Variants in WWOX observed in about 807,000 individuals in gnomAD.
WWOX encodes the protein WW domain-containing oxidoreductase.
Under a neutral mutation model 46.2 loss-of-function variants are expected in WWOX, and 69 were observed. The ratio of observed to expected loss-of-function variants is 1.49; its 90% CI spans 1.23 to 1.82. WWOX has a LOEUF of 1.82. WWOX is among the 40% of genes most tolerant of loss of function. The probability of loss-of-function intolerance (pLI) is 0.00; values close to 1 mark genes in which losing one functional copy is unlikely to be tolerated. For synonymous variants in WWOX, 359 were observed against 202.6 expected, an observed-to-expected ratio of 1.77 and a Z score of -6.56; for missense variants, 919 against 542.6, an observed-to-expected ratio of 1.69 and a Z score of -6.89.
chr16:78,893,083 T>G (rs1009122416), intron 8 of WWOX, among the ~76,000 whole-genome samples: 3 of 152,006 alleles, frequency 2.0e-5, no homozygotes, highest in African/African-American at 7.2e-5. Context: ...GTCAGGAGTT[T>G]CCATCTCCAC....
intron 8 of WWOX, among the ~76,000 whole-genome samples, chr16:78,542,548 C>G (rs1424913618): frequency 6.6e-6 from 1 of 152,118 alleles, no homozygotes; most frequent in Non-Finnish European, 1.5e-5. Flanking sequence ...GCAACAGAAG[C>G]CGATGTGCAG....
At chr16:78,561,508 C>G (rs532876866) in intron 8 of WWOX, among the ~76,000 whole-genome samples, 2 of 152,070 alleles carry the variant, frequency 1.3e-5, no homozygotes, top group African/African-American at 4.8e-5. Flanking sequence ...GACTCAGTAA[C>G]TGGAAGAATG....
At chr16:78,357,938 A>G (rs145167379) in intron 5 of WWOX, among the ~76,000 whole-genome samples, 1 of 152,296 alleles carries the variant, frequency 6.6e-6, no homozygotes, top group East Asian at 1.9e-4. Context: ...ATTGAGTAGG[A>G]GAAGGCCAGT....
chr16:78,841,893 G>C (rs952909687), intron 8 of WWOX, among the ~76,000 whole-genome samples: 1 of 152,132 alleles, frequency 6.6e-6, no homozygotes, highest in Non-Finnish European at 1.5e-5. Flanking sequence ...CTTTTGAAAC[G>C]AGGGTCTCGA....
rs952361593 is a variant in WWOX, at chr16:78,709,730, A to T, written c.1056+276978A>T. Among the ~76,000 whole-genome samples the T allele has an allele frequency of 1.4e-4, 18 of 126,374 alleles. No individual in the cohort carries two copies. In the East Asian group the frequency reaches 1.6e-3, roughly 11 times the overall value. 82.9% of individuals were successfully genotyped at this position (126,374 alleles called of 152,430 possible). A position where few individuals can be genotyped will look rare whatever the true frequency, so the allele number is the denominator to read the frequency against. On this transcript the variant is annotated intron_variant, in intron 8 of 8. Coordinates refer to ENST00000566780, the MANE Select transcript of WWOX (RefSeq NM_016373.4). Reference sequence around the variant, plus strand: ...GGGCCTCTTCTTCCAAAGCAACAGTAAGCATTTTTTTTTTTTTTGTGATAA... The same window carrying T: ...GGGCCTCTTCTTCCAAAGCAACAGTTAGCATTTTTTTTTTTTTTGTGATAA...
intron 4 of WWOX, among the ~76,000 whole-genome samples, chr16:78,128,945 C>T (rs896386837): frequency 6.6e-6 from 1 of 152,144 alleles, no homozygotes; most frequent in Non-Finnish European, 1.5e-5. Flanking sequence ...TATCTATTAG[C>T]AAAGGAAGTT....
chr16:78,917,561 C>A (rs529918040), intron 8 of WWOX, among the ~76,000 whole-genome samples: 1 of 152,158 alleles, frequency 6.6e-6, no homozygotes, highest in African/African-American at 2.4e-5. Context: ...TAACCCCCAA[C>A]CACTGTCACT....
At chr16:78,904,922 G>C (rs148372934) in intron 8 of WWOX, among the ~76,000 whole-genome samples, 101 of 152,210 alleles carry the variant, frequency 6.6e-4, no homozygotes, top group African/African-American at 2.3e-3. Flanking sequence ...CCTTTTCCCA[G>C]TTGGTGCCCC....
At chr16:79,064,218 A>G (rs1446537772) in intron 8 of WWOX, among the ~76,000 whole-genome samples, 1 of 152,232 alleles carries the variant, frequency 6.6e-6, no homozygotes, top group African/African-American at 2.4e-5. Flanking sequence ...TTTCACTGAC[A>G]TATACGAAGT....
intron 8 of WWOX, among the ~76,000 whole-genome samples, chr16:78,701,644 G>A (rs879701787): frequency 1.3e-5 from 2 of 151,600 alleles, no homozygotes; most frequent in African/African-American, 2.4e-5. Flanking sequence ...CCTCTCCTCT[G>A]CAGGGAGAGC....
intron 8 of WWOX, among the ~76,000 whole-genome samples, chr16:78,542,782 G>C: frequency 6.6e-6 from 1 of 152,182 alleles, no homozygotes; most frequent in East Asian, 1.9e-4. Context: ...AAGGTAATAA[G>C]CTCCAAGTGC....
chr16:78,690,199 C>T lies in WWOX; in HGVS notation c.1056+257447C>T, dbSNP rs118068342. The stretch of plus-strand genomic sequence containing the variant: ...AACAACCCCCCCTCCACACTGCCAA[C>T]TTTTTGAGGACCATGTGTTGTGTAG... On this transcript the variant is annotated intron_variant, in intron 8 of 8. Coordinates refer to ENST00000566780, the MANE Select transcript of WWOX (RefSeq NM_016373.4). Among the ~76,000 whole-genome samples the T allele has an allele frequency of 4.6e-3, 703 of 152,214 alleles. 4 individuals are homozygous for T. The highest frequency in any genetic ancestry group is 0.03 in the East Asian group (155 of 5,166).
chr16:79,181,362 T>A (rs1200523841), intron 8 of WWOX, among the ~76,000 whole-genome samples: 5 of 152,218 alleles, frequency 3.3e-5, no homozygotes, highest in Non-Finnish European at 5.9e-5. Context: ...CCATTTCTTT[T>A]CAATTTTGAT....
intron 8 of WWOX, among the ~76,000 whole-genome samples, chr16:78,811,419 C>T (rs2051184889): frequency 1.3e-5 from 2 of 152,152 alleles, no homozygotes; most frequent in East Asian, 1.9e-4. Context: ...TAACTTTCTT[C>T]ATCTCCCTCT....
chr16:78,594,809 G>A (rs1476774200), intron 8 of WWOX, among the ~76,000 whole-genome samples: 4 of 151,802 alleles, frequency 2.6e-5, no homozygotes, highest in South Asian at 2.1e-4. Flanking sequence ...TCAGTCTCTC[G>A]GGATGTAAAT....
rs118101858 is a variant in WWOX, at chr16:78,876,621, A to G, written c.1057-334987A>G. 3.1e-3 allele frequency among the ~76,000 whole-genome samples: 476 copies of G among 152,272 alleles called. 23 individuals carry two copies. The East Asian group carries it at 0.065, about 21-fold the overall frequency. On this transcript the variant is annotated intron_variant, in intron 8 of 8. Transcript: ENST00000566780. ...TTTTGCTTTGGATAATTTTCAAAGT[A>G]CTGCTTTCTCTAGAGATCTCTAAAA...
Position 79,185,705 on chromosome 16 carries a change from G to A in WWOX, c.1057-25903G>A, listed in dbSNP as rs796795900. ...GCTAAGACATCATAGATTTCCTTCT[G>A]TGTTGTCTTGAGAGCAGAGAAGGTG... On this transcript the variant is annotated intron_variant, in intron 8 of 8. Coordinates refer to ENST00000566780, the MANE Select transcript of WWOX (RefSeq NM_016373.4). Among the ~76,000 whole-genome samples, 35 of 152,254 alleles carry A rather than the reference G, an allele frequency of 2.3e-4. 1 individual carries two copies. The highest frequency in any genetic ancestry group is 7.9e-4 in the African/African-American group (33 of 41,544).
chr16:78,728,482 C>T (rs768089679), intron 8 of WWOX, among the ~76,000 whole-genome samples: 24 of 152,202 alleles, frequency 1.6e-4, no homozygotes, highest in Non-Finnish European at 3.4e-4. Context: ...GCCAGATTCT[C>T]ACTTCTTTTC....
intron 8 of WWOX, among the ~76,000 whole-genome samples, chr16:78,839,656 G>T (rs187191874): frequency 6.6e-5 from 10 of 152,104 alleles, no homozygotes; most frequent in Non-Finnish European, 1.5e-4. Flanking sequence ...GTTATGGAGG[G>T]TGGGGAGGGG....
Sources: gnomAD v4.1 joint callset for allele counts (sites outside exome capture counted in the v4.1 genomes callset) on GRCh38, gnomAD v4.1.1 for gene constraint, MANE v1.5 for transcripts, NCBI Gene and HGNC (gene_info 2026-07-23, HGNC 2026-07-21) for gene names.